Variants in PRKCB observed in about 807,000 individuals in gnomAD.
PRKCB encodes protein kinase C beta, also known as protein kinase C beta type.
In PRKCB, 13 loss-of-function variants were observed where a neutral mutation model predicts 81.5. That is an observed-to-expected ratio of 0.16 (90% CI 0.10 to 0.25). The LOEUF (loss-of-function observed/expected upper bound fraction) is 0.25. Ranked by LOEUF, PRKCB falls within the 10% of genes least tolerant of loss-of-function variation. The probability of loss-of-function intolerance (pLI) is 1.00; values close to 1 mark genes in which losing one functional copy is unlikely to be tolerated. For synonymous variants in PRKCB, 335 were observed against 321.4 expected (o/e 1.04, Z -0.45); for missense variants, 509 against 875.7 (o/e 0.58, Z 5.29).
intron 2 of PRKCB, among the ~76,000 whole-genome samples, chr16:23,906,379 C>A (rs7187091): frequency 0.96 from 146,908 of 152,304 alleles, 70,895 homozygotes; most frequent in East Asian, 1. Context: ...GATTTTTAAC[C>A]GGTTTTTGTT....
chr16:23,937,826 AG>A (rs1964083527), intron 2 of PRKCB, among the ~76,000 whole-genome samples: 1 of 152,202 alleles, frequency 6.6e-6, no homozygotes, highest in Admixed American at 6.5e-5. Flanking sequence ...GAAGCCAGCA[AG>A]GGAAGGGGAG....
At chr16:23,980,259 T>C (rs1964677647) in intron 2 of PRKCB, among the ~76,000 whole-genome samples, 2 of 152,244 alleles carry the variant, frequency 1.3e-5, no homozygotes, top group Admixed American at 1.3e-4. Context: ...ACTTTCTGTC[T>C]TTGATCATGG....
At chr16:23,853,797 A>G (rs1054722035) in intron 2 of PRKCB, among the ~76,000 whole-genome samples, 5 of 151,276 alleles carry the variant, frequency 3.3e-5, no homozygotes, top group African/African-American at 4.8e-5. Context: ...TAGTTTTTCA[A>G]TCAGTCAGAA....
At chr16:23,947,936 A>G (rs1352177872) in intron 2 of PRKCB, among the ~76,000 whole-genome samples, 2 of 136,568 alleles carry the variant, frequency 1.5e-5, no homozygotes, top group African/African-American at 5.5e-5. Flanking sequence ...TCATAAACCC[A>G]TGTCTCTTTA....
At chr16:23,953,983 C>T (rs1242952512) in intron 2 of PRKCB, among the ~76,000 whole-genome samples, 2 of 151,828 alleles carry the variant, frequency 1.3e-5, no homozygotes, top group Admixed American at 1.3e-4. Flanking sequence ...ATTCTCCTGC[C>T]TCAGCCTTCC....
chr16:23,900,938 G>C (rs1963463123), intron 2 of PRKCB, among the ~76,000 whole-genome samples: 1 of 151,952 alleles, frequency 6.6e-6, no homozygotes. Context: ...AATTTGGCTA[G>C]AGATTTCTGC....
At chr16:24,211,806 C>T (rs1479143332) in intron 16 of PRKCB, among the ~76,000 whole-genome samples, 5 of 152,038 alleles carry the variant, frequency 3.3e-5, no homozygotes, top group South Asian at 2.1e-4. Context: ...GTGATCCACC[C>T]GCCTCGGCTT....
Position 24,216,839 on chromosome 16 carries a change from C to T in PRKCB, c.*2023C>T, listed in dbSNP as rs1968234895. On this transcript the variant is annotated 3_prime_UTR_variant, in exon 17 of 17. Coordinates refer to ENST00000643927, the MANE Select transcript of PRKCB (RefSeq NM_002738.7). ...GCATCTGGAAAGAGGAAGGAATTTGCCCAAAGTCAGTCAGCTGGGATAAAA... is the reference window on the plus strand; with the variant it reads ...GCATCTGGAAAGAGGAAGGAATTTGTCCAAAGTCAGTCAGCTGGGATAAAA... 3 of 985,338 alleles carry T rather than the reference C, an allele frequency of 3.0e-6. No individual in the cohort carries two copies. The highest frequency in any genetic ancestry group is 1.2e-4 in the Admixed American group (2 of 16,270). 61.0% of individuals were successfully genotyped at this position (985,338 alleles called of 1,614,324 possible).
intron 2 of PRKCB, among the ~76,000 whole-genome samples, chr16:23,850,005 C>T (rs12919956): frequency 0.79 from 120,119 of 152,168 alleles, 47,620 homozygotes; most frequent in East Asian, 0.94. Context: ...TAACCATCCT[C>T]CTACTCTCTA....
At chr16:24,021,942 A>G (rs543396807) in intron 3 of PRKCB, among the ~76,000 whole-genome samples, 2 of 152,308 alleles carry the variant, frequency 1.3e-5, no homozygotes, top group South Asian at 2.1e-4. Flanking sequence ...GTATTCAACA[A>G]TCTCTTGAAT....
intron 2 of PRKCB, among the ~76,000 whole-genome samples, chr16:23,930,093 C>T (rs1380453788): frequency 6.6e-6 from 1 of 152,104 alleles, no homozygotes; most frequent in Non-Finnish European, 1.5e-5. Context: ...ACAGCTGTCT[C>T]CAAGCCAGCT....
At chr16:23,883,486 T>C (rs1963154261) in intron 2 of PRKCB, among the ~76,000 whole-genome samples, 1 of 152,128 alleles carries the variant, frequency 6.6e-6, no homozygotes, top group Admixed American at 6.5e-5. Flanking sequence ...GGGAAGCCAC[T>C]GGAGAGTTTT....
chr16:23,846,150 GA>G (rs1189036543), intron 2 of PRKCB, among the ~76,000 whole-genome samples: 2 of 152,200 alleles, frequency 1.3e-5, no homozygotes, highest in Admixed American at 6.5e-5. Flanking sequence ...CACTTATAGA[GA>G]AAGGACTTTT....
chr16:24,153,826 C>G (rs140835448), intron 9 of PRKCB, among the ~76,000 whole-genome samples: 1 of 152,202 alleles, frequency 6.6e-6, no homozygotes, highest in Non-Finnish European at 1.5e-5. Flanking sequence ...CAAAATATTT[C>G]TTCCTCTCTG....
intron 2 of PRKCB, among the ~76,000 whole-genome samples, chr16:23,844,391 T>G (rs1962326317): frequency 6.6e-6 from 1 of 152,192 alleles, no homozygotes. Context: ...ACCACATACA[T>G]TCATTTATTC....
At chr16:23,837,070 C>G (rs1962174282) in intron 1 of PRKCB, among the ~76,000 whole-genome samples, 1 of 152,102 alleles carries the variant, frequency 6.6e-6, no homozygotes, top group Non-Finnish European at 1.5e-5. Context: ...CCCGAGGGTG[C>G]TCGGGGCATC....
intron 2 of PRKCB, among the ~76,000 whole-genome samples, chr16:23,951,579 CTTTTTT>C (rs11354474): frequency 2.0e-5 from 2 of 97,574 alleles, no homozygotes; most frequent in East Asian, 3.3e-4. Flanking sequence ...CTATGCCAGG[CTTTTTT>C]TTTTTTTTTT....
chr16:24,023,445 T>C (rs1020634208), intron 3 of PRKCB, among the ~76,000 whole-genome samples: 1 of 152,310 alleles, frequency 6.6e-6, no homozygotes, highest in African/African-American at 2.4e-5. Flanking sequence ...CTCGGCTCAC[T>C]GCAAGCTCTG....
chr16:23,866,257 A>G (rs1215090777), intron 2 of PRKCB, among the ~76,000 whole-genome samples: 4 of 152,158 alleles, frequency 2.6e-5, no homozygotes, highest in Non-Finnish European at 5.9e-5. Flanking sequence ...TCATGGGGTA[A>G]TCATTATGGC....
Sources: gnomAD v4.1 joint callset for allele counts (sites outside exome capture counted in the v4.1 genomes callset) on GRCh38, gnomAD v4.1.1 for gene constraint, MANE v1.5 for transcripts, NCBI Gene and HGNC (gene_info 2026-07-23, HGNC 2026-07-21) for gene names.